The following CLIC5 variants were observed in gnomAD, a reference collection of about 807,000 sequenced individuals.
The protein encoded by CLIC5 is chloride intracellular channel protein 5.
Under a neutral mutation model 24.7 loss-of-function variants are expected in CLIC5, and 20 were observed. The ratio of observed to expected loss-of-function variants is 0.81; its 90% CI spans 0.57 to 1.18. The LOEUF is 1.18. CLIC5 is among the 50% of genes most tolerant of loss of function. The pLI is 0.00. For missense variants in CLIC5, 341 were observed against 326.1 expected (o/e 1.05, Z -0.35); for synonymous variants, 159 against 135.6 (o/e 1.17, Z -1.20).
intron 1 of CLIC5, among the ~76,000 whole-genome samples, chr6:46,050,282 C>T (rs1304359833): frequency 6.6e-6 from 1 of 152,216 alleles, no homozygotes. Context: ...CACCCAGTCT[C>T]TGACGCTGTT....
chr6:45,893,243 G>T (rs4337932), intron 6 of CLIC5, among the ~76,000 whole-genome samples: 68,679 of 140,082 alleles, frequency 0.49, 15,903 homozygotes, highest in East Asian at 0.59. Flanking sequence ...TTTTTTTTTT[G>T]TTTTAAGAAT....
At chr6:45,896,523 GTCTAATACTCCATGCCTTTTCCCACAA>G (rs1762394747), downstream of CLIC5, among the ~76,000 whole-genome samples, 1 of 152,170 alleles carries the variant, frequency 6.6e-6, no homozygotes, top group Non-Finnish European at 1.5e-5. Flanking sequence ...TACCTCTCCA[GTCTAATACTCCATGCCTTTTCCCACAA>G]GGTAAAACTT....
At chr6:45,969,601 C>A (rs1000163851) in intron 1 of CLIC5, among the ~76,000 whole-genome samples, 1 of 151,928 alleles carries the variant, frequency 6.6e-6, no homozygotes, top group Non-Finnish European at 1.5e-5. Flanking sequence ...AAATCGTGAA[C>A]GTATGTAATT....
At chr6:45,983,944 T>C (rs1392427940) in intron 1 of CLIC5, among the ~76,000 whole-genome samples, 2 of 152,202 alleles carry the variant, frequency 1.3e-5, no homozygotes, top group Non-Finnish European at 2.9e-5. Flanking sequence ...TCAGGAACCA[T>C]ATCTCTTTTG....
At chr6:45,981,951 T>C (rs529946484) in intron 1 of CLIC5, among the ~76,000 whole-genome samples, 12 of 151,522 alleles carry the variant, frequency 7.9e-5, no homozygotes, top group African/African-American at 2.2e-4. Flanking sequence ...TGAGCTGAGA[T>C]TGCAGCATTG....
chr6:46,079,810 G>A, exon 1 of CLIC5: 1 of 1,552,164 alleles, frequency 6.4e-7, no homozygotes. Context: ...GCCTTACTGT[G>A]CTGAATGGTG....
intron 4 of CLIC5, among the ~76,000 whole-genome samples, chr6:45,929,640 C>A (rs563476250): frequency 6.6e-6 from 1 of 152,282 alleles, no homozygotes; most frequent in Admixed American, 6.5e-5. Flanking sequence ...CACATGTTAT[C>A]CGCATTGCTG....
intron 2 of CLIC5, among the ~76,000 whole-genome samples, chr6:45,951,673 T>A (rs1764472197): frequency 1.3e-5 from 2 of 152,158 alleles, no homozygotes; most frequent in African/African-American, 4.8e-5. Context: ...TGGTGGCGAC[T>A]TCCAAGACGG....
intron 1 of CLIC5, among the ~76,000 whole-genome samples, chr6:46,008,435 T>C (rs947697309): frequency 6.6e-6 from 1 of 152,142 alleles, no homozygotes. Flanking sequence ...GGTCCCATCA[T>C]ATGCATGACT....
chr6:45,949,142 C>T lies in CLIC5; in HGVS notation c.299+114G>A, dbSNP rs182496740. ...CTCTTTGAAGAAAGGGTCCTGTTCT[C>T]TGGACTGGTGAGGTTCCTTTGGAAA... On this transcript the variant is annotated intron_variant, in intron 3 of 5. Transcript: ENST00000339561. The T allele has an allele frequency of 2.8e-3, 3,886 of 1,380,986 alleles. 139 individuals carry two copies. The South Asian group carries it at 0.049, about 17-fold the overall frequency. The allele number at this position is 1,380,986 out of a possible 1,614,324, so 85.5% of individuals were successfully genotyped here.
rs370130686 is a variant in CLIC5 at position 46,046,258 on chromosome 6, G to A, written c.540+33445C>T. On this transcript the variant is annotated intron_variant, in intron 1 of 5. Coordinates refer to the CLIC5 transcript ENST00000185206. Reference sequence around the variant, plus strand: ...CTATGTAATGAAGACAATCTCTAAGGTTCCTTTCTCCTCCTCTGATAGCTT... The same window carrying A: ...CTATGTAATGAAGACAATCTCTAAGATTCCTTTCTCCTCCTCTGATAGCTT... Among the ~76,000 whole-genome samples, 160 of 152,264 alleles carry A rather than the reference G, an allele frequency of 1.1e-3. 5 individuals carry two copies. The South Asian group carries it at 0.03, about 28-fold the overall frequency.
chr6:46,106,996 G>A, the CLIC5 span, among the ~76,000 whole-genome samples: 3 of 151,988 alleles, frequency 2.0e-5, no homozygotes, highest in Non-Finnish European at 4.4e-5. Context: ...ATATACGTGG[G>A]TACACATCTA....
chr6:46,096,238 T>C, the CLIC5 span, among the ~76,000 whole-genome samples: 1 of 152,026 alleles, frequency 6.6e-6, no homozygotes, highest in Non-Finnish European at 1.5e-5. Flanking sequence ...TTCAATCACC[T>C]CCCACCAGCC....
chr6:45,938,167 C>T (rs1031661063), intron 4 of CLIC5, among the ~76,000 whole-genome samples: 10 of 152,200 alleles, frequency 6.6e-5, no homozygotes, highest in Admixed American at 5.2e-4. Context: ...TGGAAGGAGG[C>T]CTGGGCCTGA....
chr6:46,109,015 G>A, the CLIC5 span, among the ~76,000 whole-genome samples: 16 of 152,018 alleles, frequency 1.1e-4, no homozygotes, highest in African/African-American at 3.9e-4. Context: ...CGTTATTAAT[G>A]TGCCCCAAGG....
chr6:46,016,126 AG>A (rs2127446831), upstream of CLIC5, among the ~76,000 whole-genome samples: 1 of 127,114 alleles, frequency 7.9e-6, no homozygotes, highest in Non-Finnish European at 1.7e-5. Context: ...GGAAAGGGGA[AG>A]GGGAAGAGGA....
At chr6:45,920,188 C>T (rs1235930632) in intron 4 of CLIC5, 43 of 978,572 alleles carry the variant, frequency 4.4e-5, no homozygotes, top group Non-Finnish European at 4.9e-5. Flanking sequence ...AGATATAATT[C>T]TTAGTACTTT....
intron 1 of CLIC5, among the ~76,000 whole-genome samples, chr6:46,047,270 C>T (rs764228018): frequency 2.6e-5 from 4 of 152,070 alleles, no homozygotes; most frequent in African/African-American, 7.2e-5. Context: ...AAGTTATTTC[C>T]GGTAATAGTT....
chr6:45,980,784 T>C (rs919640559), intron 1 of CLIC5, among the ~76,000 whole-genome samples: 2 of 152,138 alleles, frequency 1.3e-5, no homozygotes, highest in African/African-American at 4.8e-5. Context: ...AAAAAATATT[T>C]TTCAAAGTAA....
Sources: gnomAD v4.1 joint callset for allele counts (sites outside exome capture counted in the v4.1 genomes callset) on GRCh38, gnomAD v4.1.1 for gene constraint, MANE v1.5 for transcripts, NCBI Gene and HGNC (gene_info 2026-07-23, HGNC 2026-07-21) for gene names.